CACNA2D3: variants seen among roughly 807,000 people sequenced by gnomAD.
CACNA2D3 encodes calcium voltage-gated channel auxiliary subunit alpha2delta 3.
A neutral mutation model predicts 160.6 loss-of-function variants in CACNA2D3; 60 were observed. The observed-to-expected ratio is 0.37, with a 90% CI of 0.30 to 0.46. The LOEUF is 0.46. CACNA2D3 is among the 20% of genes least tolerant of loss of function. The probability of loss-of-function intolerance (pLI) is 1.00; values close to 1 mark genes in which losing one functional copy is unlikely to be tolerated. For synonymous variants in CACNA2D3, 558 were observed against 492.9 expected, an observed-to-expected ratio of 1.13 and a Z score of -1.75; for missense variants, 1,205 against 1,365.0, an observed-to-expected ratio of 0.88 and a Z score of 1.85.
intron 2 of CACNA2D3, among the ~76,000 whole-genome samples, chr3:54,135,590 A>G (rs1461368499): frequency 3.3e-5 from 5 of 152,184 alleles, no homozygotes; most frequent in Non-Finnish European, 5.9e-5. Context: ...TCAGGACTGA[A>G]TATTGTGTTG....
chr3:55,051,761 C>T (rs879130454), intron 35 of CACNA2D3, among the ~76,000 whole-genome samples: 60 of 152,236 alleles, frequency 3.9e-4, no homozygotes, highest in Admixed American at 7.8e-4. Flanking sequence ...AGCGAGACTC[C>T]GTGGGCGTAG....
chr3:54,188,784 A>G (rs932108957), intron 2 of CACNA2D3, among the ~76,000 whole-genome samples: 9 of 152,114 alleles, frequency 5.9e-5, no homozygotes, highest in Admixed American at 6.5e-5. Flanking sequence ...TCCAAAATGG[A>G]TATATATTTA....
intron 21 of CACNA2D3, among the ~76,000 whole-genome samples, chr3:54,884,546 A>G (rs763446706): frequency 4.6e-5 from 7 of 152,256 alleles, no homozygotes; most frequent in Non-Finnish European, 7.3e-5. Flanking sequence ...TCCCGAGGTC[A>G]TCATTCAGAA....
chr3:54,717,878 GGTGT>G (rs1012500898), intron 11 of CACNA2D3, among the ~76,000 whole-genome samples: 11 of 144,650 alleles, frequency 7.6e-5, no homozygotes, highest in Admixed American at 1.4e-4. Flanking sequence ...GTGTGTGGTG[GGTGT>G]GTGTGCGTGT....
intron 9 of CACNA2D3, among the ~76,000 whole-genome samples, chr3:54,624,001 AG>A (rs1699042906): frequency 1.3e-5 from 2 of 152,098 alleles, no homozygotes; most frequent in South Asian, 4.1e-4. Context: ...GATCTGGGTC[AG>A]GGTGTGGAGG....
rs56364535 is a variant in CACNA2D3, at chr3:54,729,998, C to CA, written c.1168-22578dup. ...TGGACAACAGAGCAAGACTCCATCT[C>CA]AAAAAAAAAAAAAAAAAAAAAAATT... is the stretch of plus-strand genomic sequence containing the variant. On this transcript the variant is annotated intron_variant, in intron 11 of 37. Transcript: ENST00000474759. Among the ~76,000 whole-genome samples the CA allele has an allele frequency of 4.4e-3, 483 of 109,374 alleles. 3 individuals are homozygous for CA. The highest frequency in any genetic ancestry group is 0.016 in the South Asian group (50 of 3,056). The allele number at this position is 109,374 out of a possible 152,430, so 71.8% of individuals were successfully genotyped here.
intron 3 of CACNA2D3, among the ~76,000 whole-genome samples, chr3:54,361,526 A>G (rs1292596388): frequency 6.6e-6 from 1 of 152,260 alleles, no homozygotes; most frequent in Non-Finnish European, 1.5e-5. Flanking sequence ...TGATGGGCAG[A>G]TACCTGCATT....
At chr3:54,359,649 A>C (rs1698709449) in intron 3 of CACNA2D3, among the ~76,000 whole-genome samples, 1 of 152,180 alleles carries the variant, frequency 6.6e-6, no homozygotes, top group Non-Finnish European at 1.5e-5. Flanking sequence ...TTGAGAAGTG[A>C]TTCTTGCTCC....
chr3:54,288,580 G>A (rs1396790786), intron 2 of CACNA2D3, among the ~76,000 whole-genome samples: 1 of 152,100 alleles, frequency 6.6e-6, no homozygotes, highest in Non-Finnish European at 1.5e-5. Context: ...TATGAGGCCA[G>A]CATCATCCTG....
At chr3:54,606,085 G>A (rs541495118) in intron 9 of CACNA2D3, among the ~76,000 whole-genome samples, 3 of 152,058 alleles carry the variant, frequency 2.0e-5, no homozygotes, top group Non-Finnish European at 4.4e-5. Flanking sequence ...CAGGGGAAGG[G>A]GGCTTATCAA....
chr3:54,687,129 T>TTTCTTTTTC (rs1700471242), intron 11 of CACNA2D3, among the ~76,000 whole-genome samples: 3 of 51,008 alleles, frequency 5.9e-5, no homozygotes, highest in African/African-American at 3.3e-4. Flanking sequence ...TTCTTTTTTT[T>TTTCTTTTTC]TTTTTGTTTT....
At chr3:55,004,228 A>G (rs1340348717) in intron 31 of CACNA2D3, among the ~76,000 whole-genome samples, 5 of 152,212 alleles carry the variant, frequency 3.3e-5, no homozygotes, top group Non-Finnish European at 7.3e-5. Context: ...GATGACAATA[A>G]GGAGTAGGGA....
At chr3:54,743,651 T>G (rs1701694656) in intron 11 of CACNA2D3, among the ~76,000 whole-genome samples, 1 of 152,238 alleles carries the variant, frequency 6.6e-6, no homozygotes, top group Non-Finnish European at 1.5e-5. Context: ...TTTGGTTAAT[T>G]TGATGGCCTT....
chr3:54,722,395 T>C (rs755060176), intron 11 of CACNA2D3, among the ~76,000 whole-genome samples: 5 of 152,244 alleles, frequency 3.3e-5, no homozygotes, highest in Non-Finnish European at 5.9e-5. Flanking sequence ...ACCCACCTTC[T>C]GAAGCCTACT....
intron 27 of CACNA2D3, among the ~76,000 whole-genome samples, chr3:54,966,563 A>C (rs1311915300): frequency 6.6e-6 from 1 of 152,200 alleles, no homozygotes. Flanking sequence ...TCACATCTGT[A>C]ATCCCAGCAC....
At chr3:54,946,884 A>G (rs1173228579) in intron 27 of CACNA2D3, among the ~76,000 whole-genome samples, 1 of 152,148 alleles carries the variant, frequency 6.6e-6, no homozygotes, top group Admixed American at 6.5e-5. Flanking sequence ...ATGGAGCTGT[A>G]GTGTGAATGA....
At chr3:54,373,725 T>C (rs1698963754) in intron 3 of CACNA2D3, among the ~76,000 whole-genome samples, 1 of 152,206 alleles carries the variant, frequency 6.6e-6, no homozygotes, top group South Asian at 2.1e-4. Flanking sequence ...GCTCAATGGC[T>C]TTCTGATCCT....
At chr3:54,184,607 A>G (rs943687273) in intron 2 of CACNA2D3, among the ~76,000 whole-genome samples, 5 of 152,232 alleles carry the variant, frequency 3.3e-5, no homozygotes, top group Admixed American at 6.5e-5. Flanking sequence ...TGGCTGGCTG[A>G]CATGTGAAAT....
At chr3:54,904,220 G>A (rs551340851) in intron 27 of CACNA2D3, among the ~76,000 whole-genome samples, 2 of 152,270 alleles carry the variant, frequency 1.3e-5, no homozygotes, top group South Asian at 4.2e-4. Flanking sequence ...TATAAATTAC[G>A]CTGATCGTGG....
Sources: allele counts gnomAD v4.1 joint callset (sites outside exome capture counted in the v4.1 genomes callset), GRCh38; gene constraint gnomAD v4.1.1; transcripts MANE v1.5; gene names NCBI Gene and HGNC (gene_info 2026-07-23, HGNC 2026-07-21).